Variants in NET1 observed in about 807,000 individuals in gnomAD.
NET1 encodes neuroepithelial cell transforming 1, also known as neuroepithelial cell-transforming gene 1 protein.
NET1 carries 42 observed loss-of-function variants against 61.1 expected under a neutral mutation model. The ratio of observed to expected loss-of-function variants is 0.69; its 90% CI spans 0.54 to 0.89. The LOEUF is 0.89. Among genes scored for constraint, NET1 ranks in the 40% least tolerant of loss-of-function variants. NET1 has a pLI of 0.00. For synonymous variants in NET1, 254 were observed against 281.8 expected, an observed-to-expected ratio of 0.90 and a Z score of 0.99; for missense variants, 654 against 747.3, an observed-to-expected ratio of 0.88 and a Z score of 1.46.
In NET1 at chr10:5,430,556, G is replaced by T. The variant is rs187884362; in HGVS notation, c.255+1327G>T. On this transcript the variant is annotated intron_variant, in intron 3 of 11. Coordinates refer to ENST00000355029, the MANE Select transcript of NET1 (RefSeq NM_001047160.3). ...TGCCCGGCTAATTTTTGTATTTTTA[G>T]TAGAGACAGGGTTTTGCCATGTTGT... Among the ~76,000 whole-genome samples the T allele has an allele frequency of 7.5e-3, 1,136 of 151,886 alleles. 6 individuals are homozygous for T. The highest frequency in any genetic ancestry group is 0.011 in the Non-Finnish European group (754 of 67,932).
rs972747529 is a variant in NET1, at chr10:5,414,081, G to A, written c.128+1261G>A. Among the ~76,000 whole-genome samples the A allele has an allele frequency of 3.2e-4, 49 of 152,270 alleles. 1 individual carries two copies. The highest frequency in any genetic ancestry group is 1.1e-3 in the African/African-American group (46 of 41,556). ...TGGATGATTTCAGGCAGAGAAGCAT[G>A]TAGAAAGGCCCTGAAGCAAATGAGT... On this transcript the variant is annotated intron_variant, in intron 1 of 11. Coordinates refer to ENST00000355029, the MANE Select transcript of NET1 (RefSeq NM_001047160.3).
At position 5,452,325 on chromosome 10, in the gene NET1, AT is replaced by A. The variant is rs750297128; in HGVS notation, c.364-29del. On this transcript the variant is annotated intron_variant, in intron 4 of 11. Transcript: ENST00000355029. The surrounding 1 kb of genome is among the most constrained non-coding windows in gnomAD (Gnocchi z 4.0). Reference sequence around the variant, plus strand: ...AATAATTCTATTTCTTCCAAATCTTATTTTCTCTTTTGTTCACCTTTTCTTT... The same window carrying A: ...AATAATTCTATTTCTTCCAAATCTTATTTCTCTTTTGTTCACCTTTTCTTT... 6.7e-7 allele frequency: 1 copy of A among 1,498,760 alleles called. No homozygotes were observed. Among genetic ancestry groups the A allele is most frequent in the Non-Finnish European group, 9.0e-7 (1 of 1,116,836 alleles). The allele number at this position is 1,498,760 out of a possible 1,614,324, so 92.8% of individuals were successfully genotyped here. A position where few individuals can be genotyped will look rare whatever the true frequency, so the allele number is the denominator to read the frequency against.
chr10:5,455,134 T>C lies in NET1; in HGVS notation c.1197+16T>C, dbSNP rs759403478. On this transcript the variant is annotated intron_variant, in intron 10 of 11. Transcript: ENST00000355029. The surrounding 1 kb of genome is among the most constrained non-coding windows in gnomAD (Gnocchi z 6.5). Reference sequence around the variant, plus strand: ...GAGTGGACATGTAGGTGACTTTTGCTGCCGTGGCAGAGCAGCCTTCCCTCC... The same window carrying C: ...GAGTGGACATGTAGGTGACTTTTGCCGCCGTGGCAGAGCAGCCTTCCCTCC... 1.6e-5 allele frequency: 25 copies of C among 1,611,576 alleles called. No homozygotes were observed. The South Asian group carries it at 2.6e-4, about 17-fold the overall frequency.
chr10:5,440,659 T>C lies in NET1; in HGVS notation c.256-11171T>C, dbSNP rs1316637468. Among the ~76,000 whole-genome samples, 1 of 152,208 alleles carries C rather than the reference T, an allele frequency of 6.6e-6. No homozygotes were observed. The highest frequency in any genetic ancestry group is 1.5e-5 in the Non-Finnish European group (1 of 68,046). On this transcript the variant is annotated intron_variant, in intron 3 of 11. Transcript: ENST00000355029. This position sits in a 1 kb window ranked among gnomAD's most constrained non-coding sequence, Gnocchi z 4.1. ...ATTTCAGGGACTCCCACTTAGCTAT[T>C]CCCACCATGGTGCTGAGAACATTAT...
At chr10:5,429,889 TAA>T (rs34711954) in intron 3 of NET1, among the ~76,000 whole-genome samples, 38,452 of 152,058 alleles carry the variant, frequency 0.25, 5,734 homozygotes, top group Admixed American at 0.33. Context: ...TTTAAGGTTA[TAA>T]AAGAGTTGTA....
In NET1 at chr10:5,451,114, AC is replaced by A. The variant is rs1264842280; in HGVS notation, c.256-715del. Among the ~76,000 whole-genome samples the A allele has an allele frequency of 2.0e-5, 3 of 152,142 alleles. No homozygotes were observed. The highest frequency in any genetic ancestry group is 4.4e-5 in the Non-Finnish European group (3 of 68,028). ...TATTATTCATTTAATCTTCACAACA[AC>A]TTCATAAGAGAAGTGCTACTTTTAG... On this transcript the variant is annotated intron_variant, in intron 3 of 11. Transcript: ENST00000355029. This position sits in a 1 kb window ranked among gnomAD's most constrained non-coding sequence, Gnocchi z 6.1.
rs543488547 is a variant in NET1 at position 5,426,579 on chromosome 10, T to C, written c.129-76T>C. 3.4e-6 allele frequency: 4 copies of C among 1,164,848 alleles called. No individual in the cohort carries two copies. The African/African-American group carries it at 6.2e-5, about 18-fold the overall frequency. 72.2% of individuals were successfully genotyped at this position (1,164,848 alleles called of 1,614,324 possible). ...AACGGTTTTGAAAGTATGAAAAGTA[T>C]AGCTTTTTATCTGTTTGATGCTCTA... On this transcript the variant is annotated intron_variant, in intron 1 of 11. Transcript: ENST00000355029. The surrounding 1 kb of genome is among the most constrained non-coding windows in gnomAD (Gnocchi z 4.6).
Position 5,427,062 on chromosome 10 carries a change from T to C in NET1, c.195+341T>C, listed in dbSNP as rs1352247429. On this transcript the variant is annotated intron_variant, in intron 2 of 11. Transcript: ENST00000355029. This position sits in a 1 kb window ranked among gnomAD's most constrained non-coding sequence, Gnocchi z 4.1. Reference sequence around the variant, plus strand: ...ATCCTCTACTGCCTTTTTTTCTTGGTTGAAAATATAAAAATGCTTGATTGC... The same window carrying C: ...ATCCTCTACTGCCTTTTTTTCTTGGCTGAAAATATAAAAATGCTTGATTGC... Among the ~76,000 whole-genome samples, 1 of 152,004 alleles carries C rather than the reference T, an allele frequency of 6.6e-6. No individual in the cohort carries two copies. The highest frequency in any genetic ancestry group is 1.5e-5 in the Non-Finnish European group (1 of 67,970).
chr10:5,428,038 CTTTTTTTTTTTTT>C (rs57698527), intron 2 of NET1, among the ~76,000 whole-genome samples: 3 of 113,874 alleles, frequency 2.6e-5, no homozygotes, highest in East Asian at 2.5e-4. Flanking sequence ...TTTGCCGTTC[CTTTTTTTTTTTTT>C]TTTTTTTTTT....
rs767299959 is a variant in NET1, at chr10:5,428,038, C to CCT, written c.196-1132_196-1131insCT. ...CACTTCTATCTGGACTTTGCCGTTC[C>CCT]TTTTTTTTTTTTTTTTTTTTTTTTT... On this transcript the variant is annotated intron_variant, in intron 2 of 11. Coordinates refer to ENST00000355029, the MANE Select transcript of NET1 (RefSeq NM_001047160.3). 1.2e-4 allele frequency among the ~76,000 whole-genome samples: 14 copies of CCT among 113,904 alleles called. 1 individual carries two copies. Among genetic ancestry groups the CCT allele is most frequent in the African/African-American group, 1.4e-4 (4 of 29,352 alleles). 74.7% of individuals were successfully genotyped at this position (113,904 alleles called of 152,430 possible). A position where few individuals can be genotyped will look rare whatever the true frequency, so the allele number is the denominator to read the frequency against.
In NET1 at chr10:5,456,203, A is replaced by G. The variant is rs748088617; in HGVS notation, c.1314A>G (p.Leu438=). 6.2e-7 allele frequency: 1 copy of G among 1,614,226 alleles called. No homozygotes were observed. Among genetic ancestry groups the G allele is most frequent in the Admixed American group, 1.7e-5 (1 of 60,026 alleles). Residue 438 remains leucine (L), a synonymous_variant, in exon 11 of 12, where the codon CTA becomes CTG. Coordinates refer to ENST00000355029, the MANE Select transcript of NET1 (RefSeq NM_001047160.3). The surrounding 1 kb of genome is among the most constrained non-coding windows in gnomAD (Gnocchi z 7.0). ...RQPIPVQELV[L]EDLQDGDVRM... ...CAATCCCAGTCCAAGAGCTAGTCCT[A>G]GAAGACCTGCAGGATGGAGATGTGA...
chr10:5,436,202 G>C (rs1832430971), intron 3 of NET1, among the ~76,000 whole-genome samples: 1 of 89,750 alleles, frequency 1.1e-5, no homozygotes, highest in African/African-American at 4.5e-5. Flanking sequence ...GTGTGTGTGT[G>C]TGTGTGTGTG....
chr10:5,448,311 G>T (rs780644522), intron 3 of NET1, among the ~76,000 whole-genome samples: 7 of 152,290 alleles, frequency 4.6e-5, no homozygotes, highest in Middle Eastern at 3.4e-3. Flanking sequence ...ATTTTTCCAT[G>T]TCGTTGCAGT....
chr10:5,428,498 T>TTA (rs10685042), intron 2 of NET1, among the ~76,000 whole-genome samples: 7 of 132,898 alleles, frequency 5.3e-5, no homozygotes, highest in South Asian at 2.3e-4. Context: ...GTGTTCCTTT[T>TTA]CAAAAAAAAA....
rs1832558179 is a variant in NET1, at chr10:5,443,586, A to G, written c.256-8244A>G. On this transcript the variant is annotated intron_variant, in intron 3 of 11. Coordinates refer to ENST00000355029, the MANE Select transcript of NET1 (RefSeq NM_001047160.3). This position sits in a 1 kb window ranked among gnomAD's most constrained non-coding sequence, Gnocchi z 4.8. ...ACTCAAGATTCTTGAGTCCAGTTGA[A>G]CTTCCGCATGTTCATCATTCCTTTT... Among the ~76,000 whole-genome samples the G allele has an allele frequency of 6.6e-6, 1 of 152,124 alleles. No individual in the cohort carries two copies. The highest frequency in any genetic ancestry group is 2.1e-4 in the South Asian group (1 of 4,820).
Position 5,452,653 on chromosome 10 carries a change from A to G in NET1, c.531+128A>G, listed in dbSNP as rs7076839. 0.99 allele frequency: 987,036 copies of G among 992,506 alleles called. 490,994 individuals carry two copies. The highest frequency in any genetic ancestry group is 1 in the East Asian group (38,172 of 38,172). 61.5% of individuals were successfully genotyped at this position (992,506 alleles called of 1,614,324 possible). ...CATGGTGAACAAAACCTAATGATGG[A>G]TGGTGGTCAAATTAAACAACTCTAA... On this transcript the variant is annotated intron_variant, in intron 5 of 11. Transcript: ENST00000355029. This position sits in a 1 kb window ranked among gnomAD's most constrained non-coding sequence, Gnocchi z 4.0.
At chr10:5,448,383 A>G (rs1439948719) in intron 3 of NET1, among the ~76,000 whole-genome samples, 7 of 152,254 alleles carry the variant, frequency 4.6e-5, no homozygotes, top group African/African-American at 1.7e-4. Flanking sequence ...CTGTTTATAG[A>G]TGTCGAGAAA....
At position 5,453,516 on chromosome 10, in the gene NET1, C is replaced by T. The variant is rs1393402928; in HGVS notation, c.724C>T (p.Pro242Ser). The change falls in exon 8 of 12, where the codon CCT becomes TCT. Residue 242 changes from proline to serine, a missense_variant. Pro to Ser is a moderately conservative substitution (Grantham distance 74). Coordinates refer to ENST00000355029, the MANE Select transcript of NET1 (RefSeq NM_001047160.3). The surrounding 1 kb of genome is among the most constrained non-coding windows in gnomAD (Gnocchi z 4.9). ...LLTRIGEATK[P>S]DGTVEQIGHI... ...GACAAGAATAGGAGAAGCAACCAAG[C>T]CTGATGGAACAGTGGAGCAGATTGG... 6.2e-7 allele frequency: 1 copy of T among 1,614,060 alleles called. No individual in the cohort carries two copies. The highest frequency in any genetic ancestry group is 1.7e-5 in the Admixed American group (1 of 60,010).
rs564448686 is a variant in NET1 at position 5,416,708 on chromosome 10, C to T, written c.128+3888C>T. The stretch of plus-strand genomic sequence containing the variant: ...GGGAAAAGTTCCCTTTTCCCCCTCG[C>T]AGGGCGTGCACTGGAGGTGTGCTCG... On this transcript the variant is annotated intron_variant, in intron 1 of 11. Transcript: ENST00000355029. The surrounding 1 kb of genome is among the most constrained non-coding windows in gnomAD (Gnocchi z 6.1). Among the ~76,000 whole-genome samples, 12 of 152,270 alleles carry T rather than the reference C, an allele frequency of 7.9e-5. No homozygotes were observed. The South Asian group carries it at 2.5e-3, about 32-fold the overall frequency.
Sources: gnomAD v4.1 joint callset for allele counts (sites outside exome capture counted in the v4.1 genomes callset) on GRCh38, gnomAD v4.1.1 for gene constraint, Gnocchi (gnomAD v3.1) non-coding constraint, MANE v1.5 for transcripts, NCBI Gene and HGNC (gene_info 2026-07-23, HGNC 2026-07-21) for gene names.